The following CELSR1 variants were observed in gnomAD, a reference collection of about 807,000 sequenced individuals.
CELSR1 encodes the protein adhesion G protein-coupled receptor C1.
Under a neutral mutation model 249.1 loss-of-function variants are expected in CELSR1, and 110 were observed. The ratio of observed to expected loss-of-function variants is 0.44; its 90% CI spans 0.38 to 0.52. The LOEUF (loss-of-function observed/expected upper bound fraction) is 0.52. Among genes scored for constraint, CELSR1 ranks in the 20% least tolerant of loss-of-function variants. The pLI is 0.00. For synonymous variants in CELSR1, 2,113 were observed against 1,900.0 expected (o/e 1.11, Z -2.92); for missense variants, 4,109 against 4,296.4 (o/e 0.96, Z 1.22).
Position 46,366,433 on chromosome 22 carries a change from C to A in CELSR1, c.8253G>T (p.Leu2751=), listed in dbSNP as rs1480449614. Residue 2751 remains leucine, a synonymous_variant, in exon 30 of 35, where the codon CTG becomes CTT. Transcript: ENST00000674500. ...CGGTGGACTCGCCCAAGTCTGTGCG[C>A]AGCATGTCAGGCCCGTCACCGAAGG... ...NTTFGDGPDM[L]RTDLGESTAS... 1 of 1,550,354 alleles carries A rather than the reference C, an allele frequency of 6.5e-7. No individual in the cohort carries two copies. Among genetic ancestry groups the A allele is most frequent in the Admixed American group, 2.0e-5 (1 of 50,988 alleles).
At chr22:46,383,396 A>C (rs959781064) in intron 20 of CELSR1, among the ~76,000 whole-genome samples, 1 of 152,252 alleles carries the variant, frequency 6.6e-6, no homozygotes, top group Non-Finnish European at 1.5e-5. Flanking sequence ...CAAAATGTTC[A>C]AACTGTTTTG....
chr22:46,397,731 G>A lies in CELSR1; in HGVS notation c.5644C>T (p.Pro1882Ser). Reference protein sequence around the residue: ...VDDPCTSSPCPPNSRCHDAWE... With the variant: ...VDDPCTSSPCSPNSRCHDAWE... ...GCGTCGTGGCAGCGGCTATTGGGGG[G>A]ACAGGGGCTCGAGGTACAGGGGTCG... The change falls in exon 12 of 35, where the codon CCC (proline) becomes TCC (serine). Residue 1882 changes from proline to serine, a missense_variant. Coordinates refer to ENST00000674500, the MANE Select transcript of CELSR1 (RefSeq NM_001378328.1). 3 of 1,590,592 alleles carry A rather than the reference G, an allele frequency of 1.9e-6. No homozygotes were observed. Among genetic ancestry groups the A allele is most frequent in the Non-Finnish European group, 2.6e-6 (3 of 1,167,444 alleles).
chr22:46,493,294 C>G (rs2147705658), intron 1 of CELSR1, among the ~76,000 whole-genome samples: 1 of 152,008 alleles, frequency 6.6e-6, no homozygotes, highest in Admixed American at 6.6e-5. Flanking sequence ...GCCTGTAATC[C>G]CAGAACTTTG....
Position 46,400,611 on chromosome 22 carries a change from A to C in CELSR1, c.5227-709T>G, listed in dbSNP as rs549296891. Among the ~76,000 whole-genome samples the C allele has an allele frequency of 3.9e-5, 6 of 152,248 alleles. No homozygotes were observed. In the South Asian group the frequency reaches 1.2e-3, roughly 32 times the overall value. ...AGCCGAGATCGCGCCACTGCACTCC[A>C]GCCTGGGAGACAAGAGCGAGACTCT... On this transcript the variant is annotated intron_variant, in intron 9 of 34. Transcript: ENST00000674500.
At chr22:46,388,902 A>G (rs1282880130) in intron 18 of CELSR1, among the ~76,000 whole-genome samples, 2 of 152,220 alleles carry the variant, frequency 1.3e-5, no homozygotes, top group Non-Finnish European at 2.9e-5. Context: ...GCCTTTGGGC[A>G]AACGCCTTAG....
chr22:46,416,342 C>A (rs2079401282), intron 5 of CELSR1, among the ~76,000 whole-genome samples: 1 of 152,234 alleles, frequency 6.6e-6, no homozygotes, highest in African/African-American at 2.4e-5. Flanking sequence ...CAGGGCTCAG[C>A]TGGGTACTGC....
Position 46,441,543 on chromosome 22 carries a change from T to C in CELSR1, c.4184-2132A>G, listed in dbSNP as rs2079749328. Among the ~76,000 whole-genome samples the C allele has an allele frequency of 1.3e-5, 2 of 152,046 alleles. No individual in the cohort carries two copies. Among genetic ancestry groups the C allele is most frequent in the South Asian group, 4.2e-4 (2 of 4,818 alleles). ...CACTTACTTCCCAGAGCTCTGGAGG[T>C]TGGAAGCCCAACATCACGCTTCCAG... On this transcript the variant is annotated intron_variant, in intron 2 of 34. Coordinates refer to ENST00000674500, the MANE Select transcript of CELSR1 (RefSeq NM_001378328.1). The surrounding 1 kb of genome is among the most constrained non-coding windows in gnomAD (Gnocchi z 6.1).
chr22:46,400,429 C>T (rs1470291974), intron 9 of CELSR1, among the ~76,000 whole-genome samples: 3 of 147,750 alleles, frequency 2.0e-5, no homozygotes, highest in East Asian at 2.0e-4. Context: ...CCTGAGGTCA[C>T]GAGTTCAAGA....
intron 33 of CELSR1, 105 bp downstream of exon 33, chr22:46,364,407 C>A (rs2078742884): frequency 1.3e-6 from 2 of 1,491,552 alleles, no homozygotes; most frequent in Admixed American, 2.0e-5. Context: ...TCTGCCCAGG[C>A]CCTGACTTGC....
rs563294314 is a variant in CELSR1, at chr22:46,423,050, G to A, written c.4611+10343C>T. Among the ~76,000 whole-genome samples the A allele has an allele frequency of 7.2e-5, 11 of 152,284 alleles. No homozygotes were observed. The East Asian group carries it at 1.7e-3, about 24-fold the overall frequency. On this transcript the variant is annotated intron_variant, in intron 5 of 34. Transcript: ENST00000674500. The surrounding 1 kb of genome is among the most constrained non-coding windows in gnomAD (Gnocchi z 5.6). ...GAGGCTGGGCTTGGCCACATGACCT[G>A]GGCAACAGGACATCAGGGCACAAGG...
intron 33 of CELSR1, 67 bp from the exon 34 acceptor site, chr22:46,364,318 T>G (rs1602016959): frequency 7.6e-6 from 12 of 1,575,790 alleles, no homozygotes; most frequent in Admixed American, 5.6e-5. Context: ...CTGGGCCGTG[T>G]GCAGCTGAGC....
Position 46,500,185 on chromosome 22 carries a change from C to T in CELSR1, c.3544+33442G>A, listed in dbSNP as rs1247008420. 6.6e-6 allele frequency among the ~76,000 whole-genome samples: 1 copy of T among 151,640 alleles called. No homozygotes were observed. The highest frequency in any genetic ancestry group is 1.5e-5 in the Non-Finnish European group (1 of 67,948). On this transcript the variant is annotated intron_variant, in intron 1 of 34. Transcript: ENST00000674500. This position sits in a 1 kb window ranked among gnomAD's most constrained non-coding sequence, Gnocchi z 4.9. ...CCCTGGTCCTCCCAGCATGATCCCA[C>T]CCCAGCCCCTGGTCCTCCCAGCATT... is the stretch of plus-strand genomic sequence containing the variant.
At position 46,374,964 on chromosome 22, in the gene CELSR1, C is replaced by T. The variant is rs2078902999; in HGVS notation, c.7585-1907G>A. On this transcript the variant is annotated intron_variant, in intron 24 of 34. Coordinates refer to ENST00000674500, the MANE Select transcript of CELSR1 (RefSeq NM_001378328.1). This position sits in a 1 kb window ranked among gnomAD's most constrained non-coding sequence, Gnocchi z 4.3. ...TGGCCCTGGCTGGTCTGACACACGC[C>T]TCGGGGCTCGTCCTTCATGGGCCAG... Among the ~76,000 whole-genome samples, 1 of 152,174 alleles carries T rather than the reference C, an allele frequency of 6.6e-6. No homozygotes were observed.
chr22:46,533,781 A>G lies in CELSR1; in HGVS notation c.3390T>C (p.His1130=), dbSNP rs2080817559. 6.2e-7 allele frequency: 1 copy of G among 1,613,660 alleles called. No individual in the cohort carries two copies. The highest frequency in any genetic ancestry group is 2.2e-5 in the East Asian group (1 of 44,882). The change falls in exon 1 of 35, where the codon CAT becomes CAC. Residue 1130 remains histidine, a synonymous_variant. Transcript: ENST00000674500. ...TGAGGCTGTCTGACACGTCGGGGTC[A>G]TGGGCCGGGATGCAGCCGATCACGC... is the stretch of plus-strand genomic sequence containing the variant. The part of the protein sequence containing the change: ...PTGVIGCIPA[H]DPDVSDSLNY...
At position 46,446,138 on chromosome 22, in the gene CELSR1, A is replaced by T. The variant is rs1021029729; in HGVS notation, c.4184-6727T>A. 6.6e-6 allele frequency among the ~76,000 whole-genome samples: 1 copy of T among 151,424 alleles called. No individual in the cohort carries two copies. The highest frequency in any genetic ancestry group is 1.5e-5 in the Non-Finnish European group (1 of 67,848). ...CCCAGCCACACACCCAGCCCCCTCC[A>T]CACCATACTCACGAGCCTGTGCCGG... On this transcript the variant is annotated intron_variant, in intron 2 of 34. Coordinates refer to ENST00000674500, the MANE Select transcript of CELSR1 (RefSeq NM_001378328.1). The surrounding 1 kb of genome is among the most constrained non-coding windows in gnomAD (Gnocchi z 5.5).
intron 2 of CELSR1, among the ~76,000 whole-genome samples, chr22:46,453,893 G>A (rs2079915228): frequency 6.6e-6 from 1 of 152,212 alleles, no homozygotes; most frequent in South Asian, 2.1e-4. Context: ...TAATTAGGGA[G>A]AGGAGACACC....
At position 46,371,548 on chromosome 22, in the gene CELSR1, A is replaced by G. The variant is rs1256275883; in HGVS notation, c.7759+1335T>C. Among the ~76,000 whole-genome samples, 4 of 151,764 alleles carry G rather than the reference A, an allele frequency of 2.6e-5. No individual in the cohort carries two copies. The East Asian group carries it at 7.7e-4, about 29-fold the overall frequency. ...GATTCACTAATTCATTCATCCACTC[A>G]CTCATCCCATCCACCCACTGCACCC... On this transcript the variant is annotated intron_variant, in intron 25 of 34. Coordinates refer to ENST00000674500, the MANE Select transcript of CELSR1 (RefSeq NM_001378328.1).
rs576534350 is a variant in CELSR1 at position 46,521,036 on chromosome 22, T to G, written c.3544+12591A>C. ...ATAATGTCCTCAAGGTTCACCCACG[T>G]TGTAGTAAGTGTCAGAATTTCCGTC... On this transcript the variant is annotated intron_variant, in intron 1 of 34. Transcript: ENST00000674500. Among the ~76,000 whole-genome samples, 6 of 152,314 alleles carry G rather than the reference T, an allele frequency of 3.9e-5. No individual in the cohort carries two copies. In the East Asian group the frequency reaches 1.2e-3, roughly 29 times the overall value.
At position 46,535,087 on chromosome 22, in the gene CELSR1, C is replaced by T. The variant is rs1437827698; in HGVS notation, c.2084G>A (p.Arg695His). The T allele has an allele frequency of 1.2e-6, 2 of 1,612,278 alleles. No homozygotes were observed. The highest frequency in any genetic ancestry group is 1.7e-5 in the Admixed American group (1 of 59,988). The change falls in exon 1 of 35, where the codon CGT (arginine) becomes CAT (histidine). Residue 695 changes from arginine (R) to histidine (H), a missense_variant. By Grantham distance (29) the Arg-to-His change is conservative. Around this residue, in one of 7 missense-constraint regions of CELSR1, gnomAD observed 886 missense variants for 896.5 expected, o/e 0.99. Coordinates refer to ENST00000674500, the MANE Select transcript of CELSR1 (RefSeq NM_001378328.1). ...CCCCACGGCCGCATCCTCATTCAGA[C>T]GAAGCTCGTAGGTGGGCTGCGTGAA... is the stretch of plus-strand genomic sequence containing the variant. ...PVFTQPTYEL[R>H]LNEDAAVGSS...
Sources: allele counts gnomAD v4.1 joint callset (sites outside exome capture counted in the v4.1 genomes callset), GRCh38; gene constraint gnomAD v4.1.1; regional missense constraint gnomAD v4.1.1; non-coding constraint Gnocchi (gnomAD v3.1); transcripts MANE v1.5; gene names NCBI Gene and HGNC (gene_info 2026-07-23, HGNC 2026-07-21).